The following DESI1 variants were observed in gnomAD, a reference collection of about 807,000 sequenced individuals.
DESI1 encodes the protein PPPDE peptidase domain containing 2.
Under a neutral mutation model 22.4 loss-of-function variants are expected in DESI1, and 17 were observed. The observed-to-expected ratio is 0.76, with a 90% CI of 0.52 to 1.14. DESI1 has a LOEUF of 1.14. DESI1 is among the 50% of genes most tolerant of loss of function. The pLI is 0.00. For synonymous variants in DESI1, 92 were observed against 84.2 expected, an observed-to-expected ratio of 1.09 and a Z score of -0.51; for missense variants, 177 against 208.9, an observed-to-expected ratio of 0.85 and a Z score of 0.94.
In DESI1 at chr22:41,620,952, GGC is replaced by G. The variant is rs2067591563; in HGVS notation, c.-115_-114del. ...GAGGGAGAGGGGGGGACCGAGCCCG[GGC>G]CCGGGCTGAGGGGTGGGGGAGAGGC... On this transcript the variant is annotated 5_prime_UTR_variant, in exon 1 of 6. Coordinates refer to ENST00000263256, the MANE Select transcript of DESI1 (RefSeq NM_015704.3). 2 of 1,222,070 alleles carry G rather than the reference GGC, an allele frequency of 1.6e-6. No individual in the cohort carries two copies. The highest frequency in any genetic ancestry group is 2.3e-6 in the Non-Finnish European group (2 of 878,182). 75.7% of individuals were successfully genotyped at this position (1,222,070 alleles called of 1,614,324 possible).
In DESI1 at chr22:41,599,168, C is replaced by G. The variant is rs1428022395; in HGVS notation, c.*1929G>C. On this transcript the variant is annotated 3_prime_UTR_variant, in exon 6 of 6. Transcript: ENST00000263256. ...TTTTGGAGAGGAAAGGCCTGTGCTG[C>G]AGGCCAGACTTCCAGGAAGAAGCAA... The G allele has an allele frequency of 6.6e-6, 1 of 152,184 alleles. No homozygotes were observed. Among genetic ancestry groups the G allele is most frequent in the Non-Finnish European group, 1.5e-5 (1 of 68,060 alleles). The allele number at this position is 152,184 out of a possible 1,614,324, so 9.4% of individuals were successfully genotyped here. A position where few individuals can be genotyped will look rare whatever the true frequency, so the allele number is the denominator to read the frequency against.
At chr22:41,603,095 G>GC in intron 5 of DESI1, 164 bp downstream of exon 5, 1 of 1,015,862 alleles carries the variant, frequency 9.8e-7, no homozygotes, top group East Asian at 2.6e-5. Context: ...ATACAGGTGC[G>GC]CATCAGTGGG....
intron 1 of DESI1, among the ~76,000 whole-genome samples, chr22:41,612,506 CAAAAAAAGAAAA>C (rs2067523752): frequency 2.2e-5 from 1 of 46,098 alleles, no homozygotes; most frequent in Non-Finnish European, 5.4e-5. Flanking sequence ...ACTCTTGTCT[CAAAAAAAGAAAA>C]AAAAAAAAAA....
chr22:41,598,418 G>A lies in DESI1; in HGVS notation c.*2679C>T, dbSNP rs774726028. The A allele has an allele frequency of 6.6e-6, 1 of 152,202 alleles. No individual in the cohort carries two copies. The highest frequency in any genetic ancestry group is 1.5e-5 in the Non-Finnish European group (1 of 68,054). The allele number at this position is 152,202 out of a possible 1,614,324, so 9.4% of individuals were successfully genotyped here. The stretch of plus-strand genomic sequence containing the variant: ...AGTGGGGCTCCCATTGGGAGGGAGA[G>A]CTTGCCTTCCCATGGAGCTCTGGGA... On this transcript the variant is annotated 3_prime_UTR_variant, in exon 6 of 6. Coordinates refer to ENST00000263256, the MANE Select transcript of DESI1 (RefSeq NM_015704.3).
chr22:41,620,455 C>T (rs894708927), intron 1 of DESI1, among the ~76,000 whole-genome samples: 1 of 152,192 alleles, frequency 6.6e-6, no homozygotes, highest in Non-Finnish European at 1.5e-5. Flanking sequence ...GTTTACCCCA[C>T]ACCCTCGTCG....
At chr22:41,601,591 G>T (rs985548740) in intron 5 of DESI1, among the ~76,000 whole-genome samples, 1 of 151,022 alleles carries the variant, frequency 6.6e-6, no homozygotes, top group Admixed American at 6.7e-5. Context: ...AAAGAAGAAG[G>T]ATATGAAAAA....
intron 2 of DESI1, 83 bp downstream of exon 2, chr22:41,607,757 G>A (rs2067491642): frequency 1.3e-6 from 2 of 1,513,174 alleles, no homozygotes; most frequent in Admixed American, 3.4e-5. Flanking sequence ...TTTCATGCTG[G>A]AAGCCACAGA....
chr22:41,613,366 A>G (rs1317764013), intron 1 of DESI1, among the ~76,000 whole-genome samples: 20 of 152,254 alleles, frequency 1.3e-4, no homozygotes. Context: ...GACATAATAC[A>G]TGCCCAATAA....
chr22:41,602,786 G>GTA, intron 5 of DESI1: 1 of 1,027,784 alleles, frequency 9.7e-7, no homozygotes, highest in Non-Finnish European at 1.2e-6. Flanking sequence ...AGACTGTGCT[G>GTA]TAATACATGA....
At chr22:41,620,308 C>T (rs1323256470) in intron 1 of DESI1, among the ~76,000 whole-genome samples, 1 of 152,088 alleles carries the variant, frequency 6.6e-6, no homozygotes, top group Non-Finnish European at 1.5e-5. Context: ...CGAGAGCCAC[C>T]CGACCTCCGC....
At chr22:41,602,037 G>C (rs1049044779) in intron 5 of DESI1, 2 of 238,646 alleles carry the variant, frequency 8.4e-6, no homozygotes, top group African/African-American at 4.7e-5. Flanking sequence ...AGGGCTCCTA[G>C]GTTGCTCTCA....
Position 41,599,145 on chromosome 22 carries a change from T to C in DESI1, c.*1952A>G, listed in dbSNP as rs1346813944. The stretch of plus-strand genomic sequence containing the variant: ...GGGGCCAGAAATGAGCAGCAGCTTT[T>C]TGGAGAGGAAAGGCCTGTGCTGCAG... On this transcript the variant is annotated 3_prime_UTR_variant, in exon 6 of 6. Transcript: ENST00000263256. The C allele has an allele frequency of 6.6e-6, 1 of 152,258 alleles. No homozygotes were observed. The highest frequency in any genetic ancestry group is 1.5e-5 in the Non-Finnish European group (1 of 68,074). 9.4% of individuals were successfully genotyped at this position (152,258 alleles called of 1,614,324 possible). A position where few individuals can be genotyped will look rare whatever the true frequency, so the allele number is the denominator to read the frequency against.
In DESI1 at chr22:41,617,438, C is replaced by A. The variant is rs191792929; in HGVS notation, c.88+3314G>T. ...CTATTAATATACTTCTAGAATTCAT[C>A]ATAAAAATCAGGAAACAAATTGATT... On this transcript the variant is annotated intron_variant, in intron 1 of 5. Coordinates refer to ENST00000263256, the MANE Select transcript of DESI1 (RefSeq NM_015704.3). Among the ~76,000 whole-genome samples, 333 of 152,300 alleles carry A rather than the reference C, an allele frequency of 2.2e-3. 2 individuals are homozygous for A. The highest frequency in any genetic ancestry group is 7.6e-3 in the African/African-American group (314 of 41,564).
Position 41,620,800 on chromosome 22 carries a change from A to T in DESI1, c.40T>A (p.Tyr14Asn), listed in dbSNP as rs972488475. 2.5e-6 allele frequency: 4 copies of T among 1,612,742 alleles called. No individual in the cohort carries two copies. The African/African-American group carries it at 5.3e-5, about 22-fold the overall frequency. ...PNLYPVKLYV[Y>N]DLSKGLARRL... ...CGGGCCAGGCCTTTGGACAGGTCGT[A>T]CACGTAGAGCTTCACCGGATAGAGA... is the stretch of plus-strand genomic sequence containing the variant. The change falls in exon 1 of 6, where the codon TAC becomes AAC. Residue 14 changes from tyrosine (Y) to asparagine (N), a missense_variant. Physicochemically the swap from Tyr to Asn is moderately radical, Grantham distance 143 (BLOSUM62 -2). Coordinates refer to ENST00000263256, the MANE Select transcript of DESI1 (RefSeq NM_015704.3).
chr22:41,603,672 T>C (rs1222614948), intron 4 of DESI1, among the ~76,000 whole-genome samples: 3 of 152,362 alleles, frequency 2.0e-5, no homozygotes, highest in Non-Finnish European at 4.4e-5. Flanking sequence ...TGAAACTGAC[T>C]AAAGCCTCTT....
At position 41,600,979 on chromosome 22, in the gene DESI1, A is replaced by G; in HGVS notation, c.*118T>C. Reference sequence around the variant, plus strand: ...ACGGTCTCCTTCCCTGGGAAATTTAAAAAGCCGTCCCCTGGTTGTTAGCTC... The same window carrying G: ...ACGGTCTCCTTCCCTGGGAAATTTAGAAAGCCGTCCCCTGGTTGTTAGCTC... On this transcript the variant is annotated 3_prime_UTR_variant, in exon 6 of 6. Coordinates refer to ENST00000263256, the MANE Select transcript of DESI1 (RefSeq NM_015704.3). 1 of 981,608 alleles carries G rather than the reference A, an allele frequency of 1.0e-6. No individual in the cohort carries two copies. Among genetic ancestry groups the G allele is most frequent in the Non-Finnish European group, 1.5e-6 (1 of 647,942 alleles). The allele number at this position is 981,608 out of a possible 1,614,324, so 60.8% of individuals were successfully genotyped here. A position where few individuals can be genotyped will look rare whatever the true frequency, so the allele number is the denominator to read the frequency against.
intron 1 of DESI1, 86 bp from the exon 2 acceptor site, chr22:41,607,947 C>T: frequency 6.0e-6 from 9 of 1,490,214 alleles, no homozygotes; most frequent in Non-Finnish European, 8.4e-6. Flanking sequence ...CACTCAAACC[C>T]AGGGTAACCT....
intron 1 of DESI1, among the ~76,000 whole-genome samples, chr22:41,619,080 A>C (rs74547835): frequency 1.4e-5 from 2 of 147,332 alleles, no homozygotes; most frequent in African/African-American, 2.5e-5. Context: ...AAAAACCAAC[A>C]AAAAAAAAAC....
chr22:41,619,271 A>G (rs1601517840), intron 1 of DESI1, among the ~76,000 whole-genome samples: 2 of 152,234 alleles, frequency 1.3e-5, no homozygotes, highest in Non-Finnish European at 2.9e-5. Flanking sequence ...TTTTTGGACC[A>G]AAACTCCAGG....
Sources: allele counts gnomAD v4.1 joint callset (sites outside exome capture counted in the v4.1 genomes callset), GRCh38; gene constraint gnomAD v4.1.1; transcripts MANE v1.5; gene names NCBI Gene and HGNC (gene_info 2026-07-23, HGNC 2026-07-21).